IP6K3: variants seen among roughly 807,000 people sequenced by gnomAD.
IP6K3 encodes the protein inositol hexakisphosphate kinase 3.
In IP6K3, 20 loss-of-function variants were observed where a neutral mutation model predicts 28.8. The ratio of observed to expected loss-of-function variants is 0.70; its 90% CI spans 0.49 to 1.01. The LOEUF (loss-of-function observed/expected upper bound fraction) is 1.01. IP6K3 is among the 50% of genes least tolerant of loss of function. The probability of loss-of-function intolerance (pLI) is 0.00; values close to 1 mark genes in which losing one functional copy is unlikely to be tolerated. For missense variants in IP6K3, 480 were observed against 537.1 expected (o/e 0.89, Z 1.05); for synonymous variants, 213 against 221.3 (o/e 0.96, Z 0.33).
chr6:33,746,163 A>G lies in IP6K3; in HGVS notation c.-180+595T>C, dbSNP rs577132516. On this transcript the variant is annotated intron_variant, in intron 1 of 5. Coordinates refer to ENST00000293756, the MANE Select transcript of IP6K3 (RefSeq NM_054111.5). The surrounding 1 kb of genome is among the most constrained non-coding windows in gnomAD (Gnocchi z 6.5). ...CATCAGGGACCACCGTTTGGTGGAG[A>G]CATGTCTCCCACCCCCATGACCGCC... is the stretch of plus-strand genomic sequence containing the variant. Among the ~76,000 whole-genome samples, 12 of 152,086 alleles carry G rather than the reference A, an allele frequency of 7.9e-5. No homozygotes were observed. Among genetic ancestry groups the G allele is most frequent in the Admixed American group, 5.9e-4 (9 of 15,288 alleles).
the IP6K3 span, among the ~76,000 whole-genome samples, chr6:33,759,854 C>CA: frequency 5.9e-4 from 89 of 150,278 alleles, no homozygotes; most frequent in African/African-American, 2.0e-3. Flanking sequence ...GACTGGGTGA[C>CA]AGAGTGAGAC....
chr6:33,739,088 A>G (rs1766630651), intron 1 of IP6K3: 1 of 152,018 alleles, frequency 6.6e-6, no homozygotes. Context: ...TCCTGCTGCA[A>G]CCTTCCCCTC....
At chr6:33,760,799 T>C in the IP6K3 span, among the ~76,000 whole-genome samples, 1 of 152,138 alleles carries the variant, frequency 6.6e-6, no homozygotes, top group African/African-American at 2.4e-5. Context: ...GTGCTGGGAT[T>C]ACAGGAGTGA....
At chr6:33,754,433 C>T in the IP6K3 span, among the ~76,000 whole-genome samples, 23 of 152,166 alleles carry the variant, frequency 1.5e-4, no homozygotes, top group Non-Finnish European at 2.9e-4. Context: ...CCTTCAGGGC[C>T]GCTAAAGTAA....
the IP6K3 span, among the ~76,000 whole-genome samples, chr6:33,759,490 G>A: frequency 6.6e-5 from 10 of 152,224 alleles, no homozygotes; most frequent in African/African-American, 9.6e-5. Flanking sequence ...TTGGCCTCCC[G>A]AAGCGTGGGG....
chr6:33,754,721 T>C, the IP6K3 span, among the ~76,000 whole-genome samples: 1 of 152,146 alleles, frequency 6.6e-6, no homozygotes, highest in Non-Finnish European at 1.5e-5. Context: ...CGGAGGCTGC[T>C]GTAGACAGTG....
rs1561901823 is a variant in IP6K3, at chr6:33,728,239, TG to T, written c.260del (p.Pro87GlnfsTer2). On this transcript the variant is annotated frameshift_variant, in exon 3 of 6. Transcript: ENST00000293756. LOFTEE classifies it high-confidence loss of function. ...TGAAGGGCTCCTGGCTCTCCTTCAC[TG>T]GGTTGGCAACCAAGCTGAGATGGCC... Reference protein sequence around the residue: ...STGHLSLVANPVKESQEPFKV... With the variant: ...STGHLSLVANXVKESQEPFKV... The T allele has an allele frequency of 3.7e-6, 6 of 1,614,132 alleles. No homozygotes were observed. The Admixed American group carries it at 5.0e-5, about 13-fold the overall frequency.
intron 2 of IP6K3, among the ~76,000 whole-genome samples, chr6:33,731,169 G>A (rs1766309133): frequency 6.6e-6 from 1 of 152,206 alleles, no homozygotes; most frequent in Admixed American, 6.5e-5. Context: ...GGAACCCCGA[G>A]GCCTCCTAGC....
chr6:33,741,109 T>TC (rs1365856316), intron 1 of IP6K3, among the ~76,000 whole-genome samples: 1 of 152,104 alleles, frequency 6.6e-6, no homozygotes, highest in Non-Finnish European at 1.5e-5. Flanking sequence ...CAAGAGATGT[T>TC]CCCCCCATTC....
At position 33,742,056 on chromosome 6, in the gene IP6K3, CACTCCTAAGGGTCA is replaced by C. The variant is rs1766745770; in HGVS notation, c.-180+4688_-180+4701del. Among the ~76,000 whole-genome samples, 1 of 152,050 alleles carries C rather than the reference CACTCCTAAGGGTCA, an allele frequency of 6.6e-6. No individual in the cohort carries two copies. Among genetic ancestry groups the C allele is most frequent in the Non-Finnish European group, 1.5e-5 (1 of 68,026 alleles). Reference sequence around the variant, plus strand: ...GCACAAACATATCCTATATCATAGTCACTCCTAAGGGTCAACTCTGGACCCCTGGCTTTACAATC... The same window carrying C: ...GCACAAACATATCCTATATCATAGTCACTCTGGACCCCTGGCTTTACAATC... On this transcript the variant is annotated intron_variant, in intron 1 of 5. Coordinates refer to ENST00000293756, the MANE Select transcript of IP6K3 (RefSeq NM_054111.5). This position sits in a 1 kb window ranked among gnomAD's most constrained non-coding sequence, Gnocchi z 4.5.
chr6:33,740,677 A>T (rs1256983542), intron 1 of IP6K3, among the ~76,000 whole-genome samples: 2 of 152,220 alleles, frequency 1.3e-5, no homozygotes, highest in Non-Finnish European at 2.9e-5. Flanking sequence ...GCCGAGGCGG[A>T]TAAGGGCATC....
Position 33,746,563 on chromosome 6 carries a change from C to T in IP6K3, c.-180+195G>A, listed in dbSNP as rs1351341313. The T allele has an allele frequency of 1.3e-5, 2 of 152,222 alleles. No individual in the cohort carries two copies. Among genetic ancestry groups the T allele is most frequent in the Non-Finnish European group, 2.9e-5 (2 of 68,068 alleles). 9.4% of individuals were successfully genotyped at this position (152,222 alleles called of 1,614,324 possible). ...GAACTGTCCCAACGCCCTACCCCAC[C>T]CCCGCCACACACAGATGGACAGACC... On this transcript the variant is annotated intron_variant, in intron 1 of 5. Transcript: ENST00000293756. The surrounding 1 kb of genome is among the most constrained non-coding windows in gnomAD (Gnocchi z 6.5).
At chr6:33,723,401 A>T (rs1213948397) in intron 5 of IP6K3, among the ~76,000 whole-genome samples, 1 of 152,212 alleles carries the variant, frequency 6.6e-6, no homozygotes, top group Admixed American at 6.5e-5. Context: ...CTTTAATAGT[A>T]ATCCAAGGTC....
chr6:33,759,874 A>C, the IP6K3 span, among the ~76,000 whole-genome samples: 3 of 151,192 alleles, frequency 2.0e-5, no homozygotes, highest in African/African-American at 4.8e-5. Flanking sequence ...CTCCGTCTAA[A>C]AAAAAAAAAA....
chr6:33,758,864 GC>G, the IP6K3 span, among the ~76,000 whole-genome samples: 6 of 152,174 alleles, frequency 3.9e-5, no homozygotes, highest in Admixed American at 1.3e-4. Context: ...CTCCCAAAGT[GC>G]TGGGATTACA....
intron 2 of IP6K3, among the ~76,000 whole-genome samples, chr6:33,734,888 T>C (rs1032093881): frequency 1.3e-5 from 2 of 152,190 alleles, no homozygotes; most frequent in African/African-American, 4.8e-5. Context: ...CCATCCTCCT[T>C]GGCTTTCAGA....
At chr6:33,750,259 A>G (rs932510396), upstream of IP6K3, among the ~76,000 whole-genome samples, 7 of 152,170 alleles carry the variant, frequency 4.6e-5, no homozygotes, top group African/African-American at 1.7e-4. This position sits in a 1 kb window ranked among gnomAD's most constrained non-coding sequence, Gnocchi z 4.3. Flanking sequence ...CCTACAAGCC[A>G]TTCTCCCCAG....
At chr6:33,748,374 C>T (rs1395701472), upstream of IP6K3, among the ~76,000 whole-genome samples, 5 of 152,098 alleles carry the variant, frequency 3.3e-5, no homozygotes, top group Admixed American at 3.3e-4. Flanking sequence ...AACCCATTCT[C>T]CTGGCCCTCA....
chr6:33,756,317 C>CT, the IP6K3 span, among the ~76,000 whole-genome samples: 1 of 152,128 alleles, frequency 6.6e-6, no homozygotes, highest in Non-Finnish European at 1.5e-5. Flanking sequence ...TGAGCAGAGA[C>CT]TTGAGGAGGT....
Sources: allele counts gnomAD v4.1 joint callset (sites outside exome capture counted in the v4.1 genomes callset), GRCh38; gene constraint gnomAD v4.1.1; non-coding constraint Gnocchi (gnomAD v3.1); transcripts MANE v1.5; gene names NCBI Gene and HGNC (gene_info 2026-07-23, HGNC 2026-07-21).